The following NRXN3 variants were observed in gnomAD, a reference collection of about 807,000 sequenced individuals.
NRXN3 encodes the protein neurexin 3, also known as neurexin III.
In NRXN3, 32 loss-of-function variants were observed where a neutral mutation model predicts 137.6. The observed-to-expected ratio is 0.23, with a 90% confidence interval of 0.18 to 0.31. The LOEUF is 0.31. Among genes scored for constraint, NRXN3 ranks in the 10% least tolerant of loss-of-function variants. The pLI, the probability that NRXN3 is intolerant of heterozygous loss-of-function variation, is 1.00. For synonymous variants in NRXN3, 798 were observed against 784.5 expected (o/e 1.02, Z -0.29); for missense variants, 1,574 against 2,062.5 (o/e 0.76, Z 4.59).
intron 4 of NRXN3, among the ~76,000 whole-genome samples, chr14:78,319,708 G>A (rs2079108548): frequency 6.6e-6 from 1 of 152,134 alleles, no homozygotes; most frequent in African/African-American, 2.4e-5. Flanking sequence ...TGGACATGGG[G>A]TGTCCTCTGG....
At chr14:79,586,796 G>A (rs1271375218) in intron 16 of NRXN3, among the ~76,000 whole-genome samples, 7 of 152,216 alleles carry the variant, frequency 4.6e-5, no homozygotes, top group South Asian at 4.1e-4. Flanking sequence ...AGATTTTTGT[G>A]ACAATTTCAT....
chr14:78,172,712 T>C (rs1197078774), intron 1 of NRXN3, among the ~76,000 whole-genome samples: 1 of 152,172 alleles, frequency 6.6e-6, no homozygotes, highest in African/African-American at 2.4e-5. Context: ...GGGCTGGGTT[T>C]ATTTTTTAAA....
intron 1 of NRXN3, among the ~76,000 whole-genome samples, chr14:78,206,725 G>A (rs753922217): frequency 3.9e-5 from 6 of 152,112 alleles, no homozygotes; most frequent in Non-Finnish European, 7.4e-5. Context: ...TCATGGTCCC[G>A]TTTCATAACT....
chr14:79,456,559 T>C (rs1312974770), intron 15 of NRXN3, among the ~76,000 whole-genome samples: 8 of 152,044 alleles, frequency 5.3e-5, no homozygotes, highest in Admixed American at 5.2e-4. Flanking sequence ...AAACCCTGTC[T>C]CTACTAAAAA....
At chr14:79,268,905 C>G (rs1470092172) in intron 15 of NRXN3, among the ~76,000 whole-genome samples, 1 of 152,120 alleles carries the variant, frequency 6.6e-6, no homozygotes, top group African/African-American at 2.4e-5. Context: ...TTTGTTTAAT[C>G]ACTTCAACCA....
intron 4 of NRXN3, among the ~76,000 whole-genome samples, chr14:78,617,845 A>G (rs1203032571): frequency 6.6e-6 from 1 of 151,326 alleles, no homozygotes; most frequent in African/African-American, 2.4e-5. Flanking sequence ...ATATCTGTCT[A>G]TCTATCATCT....
At chr14:78,902,796 A>G (rs2099201214) in intron 10 of NRXN3, among the ~76,000 whole-genome samples, 1 of 151,834 alleles carries the variant, frequency 6.6e-6, no homozygotes, top group Non-Finnish European at 1.5e-5. Context: ...AATGATTACA[A>G]TTACCTAAAT....
intron 15 of NRXN3, chr14:79,279,308 A>C (rs1273750591): frequency 1.0e-6 from 1 of 971,330 alleles, no homozygotes; most frequent in Non-Finnish European, 1.2e-6. Context: ...CTGGGGCTGC[A>C]CTGATTTGCT....
intron 19 of NRXN3, among the ~76,000 whole-genome samples, chr14:79,769,407 A>G (rs1842652895): frequency 6.6e-6 from 1 of 152,164 alleles, no homozygotes; most frequent in African/African-American, 2.4e-5. Context: ...GAAGCCCATC[A>G]GACTAACAGC....
At chr14:79,642,271 C>T (rs1354614918) in intron 16 of NRXN3, among the ~76,000 whole-genome samples, 1 of 135,558 alleles carries the variant, frequency 7.4e-6, no homozygotes. Flanking sequence ...TTCCACTTAG[C>T]GATCCTATTG....
At chr14:79,830,663 C>T (rs2099320496) in intron 20 of NRXN3, among the ~76,000 whole-genome samples, 2 of 152,144 alleles carry the variant, frequency 1.3e-5, no homozygotes, top group South Asian at 4.1e-4. Context: ...CACCGATTCA[C>T]CCAAATTGCA....
intron 4 of NRXN3, among the ~76,000 whole-genome samples, chr14:78,592,672 A>T (rs1047979960): frequency 1.1e-4 from 17 of 152,236 alleles, no homozygotes; most frequent in Non-Finnish European, 1.2e-4. Flanking sequence ...ACTTGAATTT[A>T]TCAGATTGGC....
At chr14:79,290,213 T>A (rs1035926367) in intron 15 of NRXN3, among the ~76,000 whole-genome samples, 1 of 152,218 alleles carries the variant, frequency 6.6e-6, no homozygotes, top group Non-Finnish European at 1.5e-5. Flanking sequence ...GTTTACAGAT[T>A]ATATGCTTCA....
At chr14:78,172,951 C>T (rs1038808256) in intron 1 of NRXN3, among the ~76,000 whole-genome samples, 2 of 151,970 alleles carry the variant, frequency 1.3e-5, no homozygotes, top group African/African-American at 2.4e-5. Flanking sequence ...TTTAGTGCTG[C>T]GTTTCTCCTG....
At chr14:79,487,878 A>G (rs943812802) in intron 16 of NRXN3, among the ~76,000 whole-genome samples, 7 of 152,162 alleles carry the variant, frequency 4.6e-5, no homozygotes, top group Non-Finnish European at 1.0e-4. Flanking sequence ...AACACATTAG[A>G]TTGCATGTTA....
chr14:78,364,495 T>C (rs1177687065), intron 4 of NRXN3, among the ~76,000 whole-genome samples: 1 of 152,208 alleles, frequency 6.6e-6, no homozygotes, highest in Non-Finnish European at 1.5e-5. Context: ...AATTTTAAGA[T>C]GAATATATTT....
intron 2 of NRXN3, among the ~76,000 whole-genome samples, chr14:78,248,552 AG>A (rs1200966630): frequency 1.3e-5 from 2 of 152,156 alleles, no homozygotes; most frequent in East Asian, 3.9e-4. Context: ...CAGAGACATC[AG>A]ATACTGTAGT....
chr14:78,705,723 A>G (rs527503492), intron 6 of NRXN3, among the ~76,000 whole-genome samples: 1 of 152,336 alleles, frequency 6.6e-6, no homozygotes, highest in African/African-American at 2.4e-5. Context: ...TACCTTTGGA[A>G]TAAATAAAAT....
chr14:78,237,896 C>T (rs1035747571), intron 1 of NRXN3, among the ~76,000 whole-genome samples: 2 of 152,158 alleles, frequency 1.3e-5, no homozygotes, highest in African/African-American at 4.8e-5. Context: ...TGGTAAGCCC[C>T]ACCTGGGGAC....
Sources: gnomAD v4.1 joint callset for allele counts (sites outside exome capture counted in the v4.1 genomes callset) on GRCh38, gnomAD v4.1.1 for gene constraint, MANE v1.5 for transcripts, NCBI Gene and HGNC (gene_info 2026-07-23, HGNC 2026-07-21) for gene names.